Variants in GET1 observed in about 807,000 individuals in gnomAD.
The protein encoded by GET1 is guided entry of tail-anchored proteins factor 1.
Under a neutral mutation model 22.6 loss-of-function variants are expected in GET1, and 20 were observed. The ratio of observed to expected loss-of-function variants is 0.89; its 90% CI spans 0.62 to 1.29. The LOEUF (loss-of-function observed/expected upper bound fraction) is 1.29, where lower values mean the gene tolerates loss of function less well. Among genes scored for constraint, GET1 ranks in the 50% most tolerant of loss-of-function variants. GET1 has a pLI of 0.00. For synonymous variants in GET1, 92 were observed against 83.8 expected (o/e 1.10, Z -0.53); for missense variants, 209 against 219.9 (o/e 0.95, Z 0.31).
At chr21:39,388,336 A>C (rs900890444) in intron 1 of GET1, among the ~76,000 whole-genome samples, 2 of 152,180 alleles carry the variant, frequency 1.3e-5, no homozygotes, top group African/African-American at 4.8e-5. Context: ...TGCAGGCGTC[A>C]AGTACGTTAC....
At position 39,393,260 on chromosome 21, in the gene GET1, C is replaced by G; in HGVS notation, c.431C>G (p.Ala144Gly). Reference protein sequence around the residue: ...KWITPLDRLVAFPTRVAGGVG... With the variant: ...KWITPLDRLVGFPTRVAGGVG... ...ATAACCCCTCTAGACCGCCTGGTAG[C>G]CTTTCCTACTAGAGTAGCAGGTAAG... is the stretch of plus-strand genomic sequence containing the variant. The change falls in exon 4 of 5, where the codon GCC becomes GGC. Residue 144 changes from alanine (A) to glycine (G), a missense_variant. Coordinates refer to ENST00000649170, the MANE Select transcript of GET1 (RefSeq NM_004627.6). 1 of 1,614,024 alleles carries G rather than the reference C, an allele frequency of 6.2e-7. No homozygotes were observed. The highest frequency in any genetic ancestry group is 1.3e-5 in the African/African-American group (1 of 75,030).
intron 1 of GET1, chr21:39,380,707 G>C (rs2037502097): frequency 7.3e-7 from 1 of 1,361,776 alleles, no homozygotes; most frequent in African/African-American, 1.5e-5. Flanking sequence ...AGAAACACCG[G>C]GCAACCCTGG....
At chr21:39,418,054 C>G (rs748445641) in intron 1 of GET1, among the ~76,000 whole-genome samples, 36 of 152,344 alleles carry the variant, frequency 2.4e-4, no homozygotes, top group Non-Finnish European at 4.1e-4. Context: ...GCGTGAGCCA[C>G]CGCGCCCAGC....
rs1027156202 is a variant in GET1, at chr21:39,387,932, T to G, written c.103-2766T>G. 12 of 816,018 alleles carry G rather than the reference T, an allele frequency of 1.5e-5. No individual in the cohort carries two copies. In the African/African-American group the frequency reaches 2.2e-4, roughly 15 times the overall value. 50.5% of individuals were successfully genotyped at this position (816,018 alleles called of 1,614,324 possible). On this transcript the variant is annotated intron_variant, in intron 1 of 4. Transcript: ENST00000649170. ...ACTTTAGATACACTATAACATTTCGTCTTTATTAATCTATTTTTAAAATTT... is the reference window on the plus strand; with the variant it reads ...ACTTTAGATACACTATAACATTTCGGCTTTATTAATCTATTTTTAAAATTT...
At chr21:39,402,170 C>T (rs2038856220), downstream of GET1, among the ~76,000 whole-genome samples, 1 of 152,098 alleles carries the variant, frequency 6.6e-6, no homozygotes, top group Non-Finnish European at 1.5e-5. Context: ...GTGGCATGAT[C>T]TCGGCTCACA....
chr21:39,412,080 G>A (rs1227708495), intron 1 of GET1, among the ~76,000 whole-genome samples: 1 of 152,156 alleles, frequency 6.6e-6, no homozygotes, highest in Non-Finnish European at 1.5e-5. Context: ...GGGCCTTGAA[G>A]TTTATGAAAT....
rs996732749 is a variant in GET1, at chr21:39,397,827, C to T, written c.*888C>T. On this transcript the variant is annotated 3_prime_UTR_variant, in exon 5 of 5. Transcript: ENST00000649170. Reference sequence around the variant, plus strand: ...AGCTACTTGTTTGCTGTGAGCCACCCGCAACTGACAAGTGGCTGTTAACTG... The same window carrying T: ...AGCTACTTGTTTGCTGTGAGCCACCTGCAACTGACAAGTGGCTGTTAACTG... 3 of 152,158 alleles carry T rather than the reference C, an allele frequency of 2.0e-5. No individual in the cohort carries two copies. The highest frequency in any genetic ancestry group is 7.2e-5 in the African/African-American group (3 of 41,426). The allele number at this position is 152,158 out of a possible 1,614,324, so 9.4% of individuals were successfully genotyped here.
chr21:39,422,035 T>C (rs2073858223), intron 1 of GET1: 1 of 152,228 alleles, frequency 6.6e-6, no homozygotes, highest in African/African-American at 2.4e-5. Flanking sequence ...ATCACTTTGG[T>C]ATACAAGAGT....
intron 1 of GET1, among the ~76,000 whole-genome samples, chr21:39,415,890 G>A (rs2837016): frequency 0.73 from 111,308 of 151,968 alleles, 40,928 homozygotes; most frequent in Admixed American, 0.78. Context: ...TCTTTTTTCA[G>A]TTGGTAGGTA....
intron 1 of GET1, among the ~76,000 whole-genome samples, chr21:39,389,506 T>C (rs2146957964): frequency 6.6e-6 from 1 of 152,306 alleles, no homozygotes; most frequent in East Asian, 1.9e-4. Context: ...ACTCTCAATA[T>C]GTTTATTTCT....
At chr21:39,412,597 T>C (rs1448762031) in intron 1 of GET1, among the ~76,000 whole-genome samples, 1 of 150,302 alleles carries the variant, frequency 6.7e-6, no homozygotes, top group African/African-American at 2.5e-5. Flanking sequence ...CAGACGTGCA[T>C]GTGCACACAC....
intron 4 of GET1, among the ~76,000 whole-genome samples, chr21:39,393,951 C>T (rs1423356801): frequency 4.6e-5 from 7 of 152,002 alleles, no homozygotes; most frequent in Admixed American, 4.6e-4. Context: ...TGCCCAGCCA[C>T]GTTCTTTTAT....
At chr21:39,423,740 G>A (rs372710181) in intron 1 of GET1, among the ~76,000 whole-genome samples, 1 of 152,140 alleles carries the variant, frequency 6.6e-6, no homozygotes, top group African/African-American at 2.4e-5. Flanking sequence ...TATAGCTGGA[G>A]ATTTTACATC....
chr21:39,380,642 A>G lies in GET1; in HGVS notation c.102+156A>G, dbSNP rs1412831972. 24 of 1,439,526 alleles carry G rather than the reference A, an allele frequency of 1.7e-5. No homozygotes were observed. The Admixed American group carries it at 1.9e-4, about 11-fold the overall frequency. 89.2% of individuals were successfully genotyped at this position (1,439,526 alleles called of 1,614,324 possible). ...TTTTTTGAGATAGTTGTTAGCGTCT[A>G]AAAGGTACGACGCTTTACCCCAAAA... On this transcript the variant is annotated intron_variant, in intron 1 of 4. Coordinates refer to ENST00000649170, the MANE Select transcript of GET1 (RefSeq NM_004627.6).
downstream of GET1, among the ~76,000 whole-genome samples, chr21:39,407,432 T>A (rs368151053): frequency 2.0e-5 from 3 of 152,190 alleles, no homozygotes; most frequent in Non-Finnish European, 4.4e-5. Flanking sequence ...TTTAGGTGAA[T>A]ATACTCTTAG....
intron 1 of GET1, among the ~76,000 whole-genome samples, chr21:39,382,665 A>G (rs888788358): frequency 2.0e-5 from 3 of 152,206 alleles, no homozygotes; most frequent in East Asian, 1.9e-4. Flanking sequence ...TCATCTGTCT[A>G]TGGACACTTG....
At chr21:39,384,299 G>A (rs2037745352) in intron 1 of GET1, among the ~76,000 whole-genome samples, 1 of 150,654 alleles carries the variant, frequency 6.6e-6, no homozygotes, top group South Asian at 2.1e-4. Flanking sequence ...CTCTTTTGCC[G>A]AGGCTGGAGT....
chr21:39,382,109 C>G (rs2037589996), intron 1 of GET1, among the ~76,000 whole-genome samples: 1 of 150,520 alleles, frequency 6.6e-6, no homozygotes, highest in Non-Finnish European at 1.5e-5. Context: ...TGTAGGAGTG[C>G]AGTGGCCTGA....
At chr21:39,399,485 C>T (rs1409001320), downstream of GET1, among the ~76,000 whole-genome samples, 1 of 152,116 alleles carries the variant, frequency 6.6e-6, no homozygotes, top group Non-Finnish European at 1.5e-5. Context: ...TGCTCTGTCG[C>T]CCAGGCTGGA....
Sources: gnomAD v4.1 joint callset for allele counts (sites outside exome capture counted in the v4.1 genomes callset) on GRCh38, gnomAD v4.1.1 for gene constraint, MANE v1.5 for transcripts, NCBI Gene and HGNC (gene_info 2026-07-23, HGNC 2026-07-21) for gene names.